The following ZFYVE1 variants were observed in gnomAD, a reference collection of about 807,000 sequenced individuals.
ZFYVE1 encodes the protein zinc finger FYVE domain-containing protein 1.
A neutral mutation model predicts 74.4 loss-of-function variants in ZFYVE1; 30 were observed. The ratio of observed to expected loss-of-function variants is 0.40; its 90% CI spans 0.30 to 0.55. The LOEUF (loss-of-function observed/expected upper bound fraction) is 0.55. ZFYVE1 is among the 20% of genes least tolerant of loss of function. The pLI, the probability that ZFYVE1 is intolerant of heterozygous loss-of-function variation, is 0.42. For missense variants in ZFYVE1, 703 were observed against 1,011.6 expected, an observed-to-expected ratio of 0.69 and a Z score of 4.14; for synonymous variants, 335 against 385.1, an observed-to-expected ratio of 0.87 and a Z score of 1.52.
chr14:72,993,460 T>G, intron 3 of ZFYVE1, 103 bp from the exon 4 acceptor site: 1 of 1,081,006 alleles, frequency 9.3e-7, no homozygotes, highest in Non-Finnish European at 1.3e-6. Context: ...CCTAGCACTT[T>G]GGGAGGCCAA....
At position 72,975,778 on chromosome 14, in the gene ZFYVE1, G is replaced by A; in HGVS notation, c.1636-57C>T. 6.3e-7 allele frequency: 1 copy of A among 1,586,230 alleles called. No homozygotes were observed. Among genetic ancestry groups the A allele is most frequent in the Non-Finnish European group, 8.6e-7 (1 of 1,165,228 alleles). On this transcript the variant is annotated intron_variant, in intron 8 of 11. Coordinates refer to ENST00000556143, the MANE Select transcript of ZFYVE1 (RefSeq NM_021260.4). This position sits in a 1 kb window ranked among gnomAD's most constrained non-coding sequence, Gnocchi z 4.1. ...CTGAGAAGGGAGTGAAAGGAAGGAGGAAGAGGGATGTTTGGTGAGTTGCAC... is the reference window on the plus strand; with the variant it reads ...CTGAGAAGGGAGTGAAAGGAAGGAGAAAGAGGGATGTTTGGTGAGTTGCAC...
At chr14:72,978,566 CAAAAAAAAAAAAAAAAAAAAAAA>C (rs58858186) in intron 6 of ZFYVE1, among the ~76,000 whole-genome samples, 2 of 50,952 alleles carry the variant, frequency 3.9e-5, no homozygotes. Flanking sequence ...GACTCTGTCT[CAAAAAAAAAAAAAAAAAAAAAAA>C]AAAAAAAGAA....
At chr14:73,023,914 G>A (rs1468545658) in intron 2 of ZFYVE1, 112 bp downstream of exon 2, 3 of 1,444,290 alleles carry the variant, frequency 2.1e-6, no homozygotes, top group Non-Finnish European at 2.8e-6. Context: ...CAGAGGTCTT[G>A]CCTTTTAATG....
chr14:73,001,110 T>A (rs1893860680), intron 2 of ZFYVE1, among the ~76,000 whole-genome samples: 2 of 152,382 alleles, frequency 1.3e-5, no homozygotes, highest in South Asian at 4.1e-4. Context: ...TACGCAAGAC[T>A]GCATATTCCT....
intron 4 of ZFYVE1, among the ~76,000 whole-genome samples, chr14:72,991,271 G>C (rs1335782566): frequency 6.9e-6 from 1 of 144,286 alleles, no homozygotes; most frequent in African/African-American, 2.6e-5. Flanking sequence ...CTCACTGCAA[G>C]CTCCGCCTCC....
At chr14:73,014,807 G>C (rs1008335429) in intron 2 of ZFYVE1, among the ~76,000 whole-genome samples, 3 of 152,172 alleles carry the variant, frequency 2.0e-5, no homozygotes, top group African/African-American at 7.2e-5. Flanking sequence ...AGAGGAGCTG[G>C]AAAGAACAAG....
chr14:72,997,019 A>C lies in ZFYVE1; in HGVS notation c.988+792T>G, dbSNP rs1187483408. Among the ~76,000 whole-genome samples the C allele has an allele frequency of 4.6e-5, 7 of 152,184 alleles. No homozygotes were observed. In the East Asian group the frequency reaches 5.8e-4, roughly 13 times the overall value. ...TCCTATTTCTCTAAGAAAACAAATA[A>C]GAACTTACACACACACGTCCCATGT... On this transcript the variant is annotated intron_variant, in intron 3 of 11. Transcript: ENST00000556143.
intron 11 of ZFYVE1, among the ~76,000 whole-genome samples, chr14:72,972,358 G>A (rs943856352): frequency 6.6e-6 from 1 of 152,228 alleles, no homozygotes; most frequent in Non-Finnish European, 1.5e-5. Flanking sequence ...CAGAATGGGA[G>A]CACTTGGTGA....
intron 2 of ZFYVE1, among the ~76,000 whole-genome samples, chr14:73,009,489 G>A (rs1894044613): frequency 6.6e-6 from 1 of 152,234 alleles, no homozygotes; most frequent in South Asian, 2.1e-4. Context: ...GGGCGCGGAG[G>A]CTCACGCCTG....
intron 2 of ZFYVE1, among the ~76,000 whole-genome samples, chr14:73,004,303 C>T (rs1893933354): frequency 6.6e-6 from 1 of 152,076 alleles, no homozygotes; most frequent in African/African-American, 2.4e-5. Flanking sequence ...GGATTTTCTC[C>T]CCATGGAAAT....
rs12434411 is a variant in ZFYVE1, at chr14:73,023,239, G to A, written c.483+787C>T. On this transcript the variant is annotated intron_variant, in intron 2 of 11. Transcript: ENST00000556143. Reference sequence around the variant, plus strand: ...AATATATATTTTATATGTTTTATATGTAATATATATATTATATGTTTTATA... The same window carrying A: ...AATATATATTTTATATGTTTTATATATAATATATATATTATATGTTTTATA... Among the ~76,000 whole-genome samples, 41 of 95,568 alleles carry A rather than the reference G, an allele frequency of 4.3e-4. 2 individuals are homozygous for A. The highest frequency in any genetic ancestry group is 1.2e-3 in the East Asian group (4 of 3,428). The allele number at this position is 95,568 out of a possible 152,430, so 62.7% of individuals were successfully genotyped here. A position where few individuals can be genotyped will look rare whatever the true frequency, so the allele number is the denominator to read the frequency against.
chr14:72,970,782 C>T lies in ZFYVE1; in HGVS notation c.*100G>A. On this transcript the variant is annotated 3_prime_UTR_variant, in exon 12 of 12. Coordinates refer to ENST00000556143, the MANE Select transcript of ZFYVE1 (RefSeq NM_021260.4). ...CCCTGGATGCGGAGAGGAGAGGACA[C>T]ACACCACAGCAGGTGACTGGGAGGA... The T allele has an allele frequency of 7.7e-7, 1 of 1,299,098 alleles. No homozygotes were observed. Among genetic ancestry groups the T allele is most frequent in the Non-Finnish European group, 1.1e-6 (1 of 937,094 alleles). 80.5% of individuals were successfully genotyped at this position (1,299,098 alleles called of 1,614,324 possible). A position where few individuals can be genotyped will look rare whatever the true frequency, so the allele number is the denominator to read the frequency against.
rs1392720950 is a variant in ZFYVE1, at chr14:72,992,056, G to A, written c.1203+1087C>T. Among the ~76,000 whole-genome samples the A allele has an allele frequency of 2.6e-5, 4 of 152,052 alleles. No individual in the cohort carries two copies. In the East Asian group the frequency reaches 7.7e-4, roughly 29 times the overall value. On this transcript the variant is annotated intron_variant, in intron 4 of 11. Transcript: ENST00000556143. ...CAAGTAGCTAGGATTACAGGAGTGC[G>A]CCACCATGCCCGGCTAATTTTTTTG...
chr14:73,012,480 G>A (rs1358448770), intron 2 of ZFYVE1, among the ~76,000 whole-genome samples: 1 of 152,146 alleles, frequency 6.6e-6, no homozygotes, highest in East Asian at 1.9e-4. Flanking sequence ...AAATTAGCTG[G>A]ACGTAGTGGT....
At chr14:72,989,667 A>G (rs141179785) in intron 4 of ZFYVE1, among the ~76,000 whole-genome samples, 61 of 152,278 alleles carry the variant, frequency 4.0e-4, no homozygotes, top group African/African-American at 1.4e-3. Flanking sequence ...CGAAATAACT[A>G]TTGGGAAGGA....
intron 2 of ZFYVE1, among the ~76,000 whole-genome samples, chr14:73,008,164 T>A (rs1281181932): frequency 6.6e-6 from 1 of 152,066 alleles, no homozygotes; most frequent in Non-Finnish European, 1.5e-5. Context: ...TCTTTTTTTA[T>A]TTTTTTGTGT....
chr14:72,991,411 G>A (rs972782704), intron 4 of ZFYVE1, among the ~76,000 whole-genome samples: 3 of 151,964 alleles, frequency 2.0e-5, no homozygotes, highest in African/African-American at 7.2e-5. Flanking sequence ...GGATGGTCTC[G>A]ATCTCCTGAC....
At chr14:72,996,929 C>G (rs1893762168) in intron 3 of ZFYVE1, among the ~76,000 whole-genome samples, 1 of 152,142 alleles carries the variant, frequency 6.6e-6, no homozygotes, top group African/African-American at 2.4e-5. Flanking sequence ...TTACTGCTCC[C>G]CTCCTATCTA....
intron 4 of ZFYVE1, among the ~76,000 whole-genome samples, chr14:72,984,091 G>T (rs2140353593): frequency 6.6e-6 from 1 of 152,230 alleles, no homozygotes; most frequent in East Asian, 1.9e-4. Context: ...TCTCACTCAG[G>T]TCCTGCAGGG....
Sources: gnomAD v4.1 joint callset for allele counts (sites outside exome capture counted in the v4.1 genomes callset) on GRCh38, gnomAD v4.1.1 for gene constraint, Gnocchi (gnomAD v3.1) non-coding constraint, MANE v1.5 for transcripts, NCBI Gene and HGNC (gene_info 2026-07-23, HGNC 2026-07-21) for gene names.